ARHGAP29: variants seen among roughly 807,000 people sequenced by gnomAD.
The protein encoded by ARHGAP29 is rho GTPase-activating protein 29.
In ARHGAP29, 43 loss-of-function variants were observed where a neutral mutation model predicts 122.6. The observed-to-expected ratio is 0.35, with a 90% confidence interval of 0.27 to 0.45. ARHGAP29 has a LOEUF of 0.45. Among genes scored for constraint, ARHGAP29 ranks in the 20% least tolerant of loss-of-function variants. The probability of loss-of-function intolerance (pLI) is 1.00; values close to 1 mark genes in which losing one functional copy is unlikely to be tolerated. For missense variants in ARHGAP29, 1,303 were observed against 1,477.2 expected, an observed-to-expected ratio of 0.88 and a Z score of 1.93; for synonymous variants, 506 against 497.1, an observed-to-expected ratio of 1.02 and a Z score of -0.24.
chr1:94,303,438 T>C, the ARHGAP29 span, among the ~76,000 whole-genome samples: 1 of 152,142 alleles, frequency 6.6e-6, no homozygotes, highest in Non-Finnish European at 1.5e-5. Context: ...TAGTGTTTAA[T>C]GGGTACCGAG....
chr1:94,232,377 C>G (rs1449591966), intron 1 of ARHGAP29, among the ~76,000 whole-genome samples: 1 of 152,108 alleles, frequency 6.6e-6, no homozygotes, highest in Admixed American at 6.5e-5. Flanking sequence ...CACACACACA[C>G]AACACATCCT....
At chr1:94,217,851 A>T (rs1652043090) in intron 3 of ARHGAP29, among the ~76,000 whole-genome samples, 1 of 6,222 alleles carries the variant, frequency 1.6e-4, no homozygotes, top group Admixed American at 5.0e-3. Context: ...CCTATCTCTT[A>T]AAAAAAAACA....
intron 6 of ARHGAP29, 21 bp downstream of exon 6, chr1:94,205,614 T>C (rs753197846): frequency 4.4e-6 from 7 of 1,605,816 alleles, no homozygotes; most frequent in Non-Finnish European, 6.0e-6. Flanking sequence ...TGTGAAAAGT[T>C]ATAAACACCT....
chr1:94,196,066 A>C (rs896131819), intron 12 of ARHGAP29: 3 of 152,124 alleles, frequency 2.0e-5, no homozygotes, highest in African/African-American at 7.2e-5. Context: ...TAATCGATAA[A>C]AGTAGCAAAG....
In ARHGAP29 at chr1:94,179,713, T is replaced by C. The variant is rs1449836168; in HGVS notation, c.2480+12A>G. 2.3e-5 allele frequency: 35 copies of C among 1,548,138 alleles called. No homozygotes were observed. Among genetic ancestry groups the C allele is most frequent in the Non-Finnish European group, 3.1e-5 (35 of 1,132,052 alleles). On this transcript the variant is annotated intron_variant, in intron 20 of 22. Coordinates refer to ENST00000260526, the MANE Select transcript of ARHGAP29 (RefSeq NM_004815.4). ...CCCATTAATAAATGTTCTAGTTATA[T>C]AAAATTCTTACCGCTTTAGATGTAC...
chr1:94,171,498 G>T lies in ARHGAP29; in HGVS notation c.*2371C>A, dbSNP rs1054349639. Reference sequence around the variant, plus strand: ...TGGCAGCACTAACAGGGCTCCTGCTGTTGCCCTTTCCTTTTGGTCACGTAT... The same window carrying T: ...TGGCAGCACTAACAGGGCTCCTGCTTTTGCCCTTTCCTTTTGGTCACGTAT... On this transcript the variant is annotated 3_prime_UTR_variant, in exon 23 of 23. Transcript: ENST00000260526. Among the ~76,000 whole-genome samples the T allele has an allele frequency of 9.2e-5, 14 of 152,184 alleles. No homozygotes were observed. The highest frequency in any genetic ancestry group is 1.3e-4 in the Admixed American group (2 of 15,274).
At chr1:94,180,695 A>C (rs1218010561) in intron 19 of ARHGAP29, among the ~76,000 whole-genome samples, 1 of 152,162 alleles carries the variant, frequency 6.6e-6, no homozygotes, top group Non-Finnish European at 1.5e-5. Flanking sequence ...CTGGGATCTG[A>C]AGGAAGTCAC....
intron 2 of ARHGAP29, among the ~76,000 whole-genome samples, chr1:94,223,268 A>G (rs1375585064): frequency 6.6e-6 from 1 of 152,012 alleles, no homozygotes; most frequent in Non-Finnish European, 1.5e-5. Context: ...TATAACTGGT[A>G]ATGTTAGTTT....
the ARHGAP29 span, chr1:94,302,094 C>A: frequency 7.2e-6 from 2 of 278,246 alleles, no homozygotes; most frequent in Middle Eastern, 1.6e-3. Flanking sequence ...ACCTGGTCAC[C>A]ACGGCTGCTT....
Position 94,244,152 on chromosome 1 carries a change from C to T in ARHGAP29, c.-32-12509G>A, listed in dbSNP as rs535757226. Among the ~76,000 whole-genome samples, 1,283 of 151,302 alleles carry T rather than the reference C, an allele frequency of 8.5e-3. 2 individuals are homozygous for T. The highest frequency in any genetic ancestry group is 0.014 in the Non-Finnish European group (943 of 67,696). On this transcript the variant is annotated intron_variant and NMD_transcript_variant, in intron 1 of 25. Transcript: ENST00000552844. ...CAGGAGACAAGAACACTTCCCAACT[C>T]ATTCTATGAGGCCAGCATTACCCTG...
chr1:94,189,523 T>C (rs1274575721), intron 13 of ARHGAP29, among the ~76,000 whole-genome samples, 171 bp from the exon 14 acceptor site: 6 of 152,164 alleles, frequency 3.9e-5, no homozygotes. Flanking sequence ...GAGATGTAAA[T>C]ACTTTTTAAT....
At chr1:94,274,532 T>C (rs950645893) in intron 1 of ARHGAP29, among the ~76,000 whole-genome samples, 7 of 152,236 alleles carry the variant, frequency 4.6e-5, no homozygotes, top group African/African-American at 1.7e-4. Context: ...TGCTGGGATG[T>C]TGGCAATATG....
intron 3 of ARHGAP29, among the ~76,000 whole-genome samples, chr1:94,216,288 G>A (rs1651951581): frequency 6.6e-6 from 1 of 152,142 alleles, no homozygotes; most frequent in African/African-American, 2.4e-5. Context: ...CAATATAAGG[G>A]ATTACCATAC....
chr1:94,208,906 T>C lies in ARHGAP29; in HGVS notation c.438-2A>G, dbSNP rs1651394173. On this transcript the variant is annotated splice_acceptor_variant, in intron 4 of 22. Transcript: ENST00000260526. LOFTEE classifies it high-confidence loss of function. ...TCTCCCATAAGGAAGTTTGTAAGGC[T>C]ATCCAAGGAGGTTAAAAAAAGAAAG... 1 of 1,613,106 alleles carries C rather than the reference T, an allele frequency of 6.2e-7. No homozygotes were observed. The highest frequency in any genetic ancestry group is 8.5e-7 in the Non-Finnish European group (1 of 1,179,204).
chr1:94,258,821 A>G (rs1403730085), intron 1 of ARHGAP29, among the ~76,000 whole-genome samples: 2 of 152,210 alleles, frequency 1.3e-5, no homozygotes, highest in African/African-American at 2.4e-5. Flanking sequence ...ATTAATATGA[A>G]CAAGTTCACC....
At chr1:94,248,610 T>TC (rs539831490) in intron 1 of ARHGAP29, among the ~76,000 whole-genome samples, 164 of 152,362 alleles carry the variant, frequency 1.1e-3, no homozygotes, top group Middle Eastern at 0.01. Flanking sequence ...TAAATATTTT[T>TC]CAAAAAGATT....
chr1:94,178,073 G>A lies in ARHGAP29; in HGVS notation c.2575C>T (p.Pro859Ser). The change falls in exon 21 of 23, where the codon CCT becomes TCT. Residue 859 changes from proline to serine, a missense_variant. Coordinates refer to ENST00000260526, the MANE Select transcript of ARHGAP29 (RefSeq NM_004815.4). ...TCTGCAAGGGAGGAGATGGTGATAGGAGCAGTTGTGGGCCTTGGCCTAATG... is the reference window on the plus strand; with the variant it reads ...TCTGCAAGGGAGGAGATGGTGATAGAAGCAGTTGTGGGCCTTGGCCTAATG... Reference protein sequence around the residue: ...SLIRPRPTTAPITISSLAEYS... With the variant: ...SLIRPRPTTASITISSLAEYS... 1 of 1,614,182 alleles carries A rather than the reference G, an allele frequency of 6.2e-7. No homozygotes were observed. The highest frequency in any genetic ancestry group is 8.5e-7 in the Non-Finnish European group (1 of 1,180,028).
chr1:94,308,237 C>T, the ARHGAP29 span, among the ~76,000 whole-genome samples: 2,603 of 152,070 alleles, frequency 0.017, 52 homozygotes, highest in East Asian at 0.083. Context: ...TTTTATGAAC[C>T]TCCTCTCCCC....
intron 5 of ARHGAP29, among the ~76,000 whole-genome samples, chr1:94,207,461 TTAAGAA>T (rs1651277005): frequency 6.6e-6 from 1 of 152,158 alleles, no homozygotes; most frequent in Non-Finnish European, 1.5e-5. Flanking sequence ...TTTTTTCCTG[TTAAGAA>T]TTAGTATAAT....
Sources: allele counts gnomAD v4.1 joint callset (sites outside exome capture counted in the v4.1 genomes callset), GRCh38; gene constraint gnomAD v4.1.1; transcripts MANE v1.5; gene names NCBI Gene and HGNC (gene_info 2026-07-23, HGNC 2026-07-21).